The following TJP1 variants were observed in gnomAD, a reference collection of about 807,000 sequenced individuals.
TJP1 encodes the protein tight junction protein ZO-1.
Under a neutral mutation model 194.2 loss-of-function variants are expected in TJP1, and 43 were observed. The observed-to-expected ratio is 0.22, with a 90% CI of 0.17 to 0.29. The LOEUF (loss-of-function observed/expected upper bound fraction) is 0.29, where lower values mean the gene tolerates loss of function less well. Among genes scored for constraint, TJP1 ranks in the 10% least tolerant of loss-of-function variants. TJP1 has a pLI of 1.00. For missense variants in TJP1, 1,971 were observed against 2,185.7 expected, an observed-to-expected ratio of 0.90 and a Z score of 1.96; for synonymous variants, 801 against 779.0, an observed-to-expected ratio of 1.03 and a Z score of -0.47.
At chr15:29,813,933 C>T (rs1013877602) in intron 1 of TJP1, among the ~76,000 whole-genome samples, 10 of 152,204 alleles carry the variant, frequency 6.6e-5, no homozygotes, top group Non-Finnish European at 1.2e-4. Flanking sequence ...ACATATTTCA[C>T]AGCTTCTTGA....
chr15:29,939,964 G>A (rs936010547), intron 2 of TJP1, among the ~76,000 whole-genome samples: 2 of 152,030 alleles, frequency 1.3e-5, no homozygotes, highest in Admixed American at 1.3e-4. Flanking sequence ...TGTTATAGCA[G>A]GCAAAAAGCA....
chr15:29,809,898 A>G (rs1040077611), intron 1 of TJP1, among the ~76,000 whole-genome samples: 2 of 152,154 alleles, frequency 1.3e-5, no homozygotes, highest in African/African-American at 4.8e-5. Flanking sequence ...TTATTTTAAA[A>G]GTGTGCTAAT....
At chr15:29,774,660 GT>G (rs1046839644) in intron 2 of TJP1, among the ~76,000 whole-genome samples, 2 of 151,906 alleles carry the variant, frequency 1.3e-5, no homozygotes, top group Non-Finnish European at 2.9e-5. Context: ...TAATGAAAAT[GT>G]TTTAAAATGG....
intron 18 of TJP1, among the ~76,000 whole-genome samples, chr15:29,721,787 A>G (rs1161810185): frequency 1.3e-5 from 2 of 152,236 alleles, no homozygotes; most frequent in Non-Finnish European, 2.9e-5. Flanking sequence ...CAGGCTGTGG[A>G]GGTCTCAGAC....
At chr15:29,742,495 C>G (rs2044489127) in intron 9 of TJP1, 147 bp downstream of exon 9, 1 of 826,980 alleles carries the variant, frequency 1.2e-6, no homozygotes, top group Non-Finnish European at 1.7e-6. Flanking sequence ...AACCTGCTAC[C>G]CATAAGGAAA....
chr15:29,798,233 A>G (rs1306312239), intron 2 of TJP1, among the ~76,000 whole-genome samples: 1 of 150,362 alleles, frequency 6.7e-6, no homozygotes, highest in African/African-American at 2.4e-5. Flanking sequence ...TCCCTCCCAA[A>G]GTGCTGGGAT....
At chr15:29,872,085 G>C (rs142432386) in intron 2 of TJP1, among the ~76,000 whole-genome samples, 1 of 152,156 alleles carries the variant, frequency 6.6e-6, no homozygotes, top group Non-Finnish European at 1.5e-5. Flanking sequence ...CGTAGGCAGC[G>C]GGGGACACAA....
At position 29,926,387 on chromosome 15, in the gene TJP1, G is replaced by A. The variant is rs142478759; in HGVS notation, c.306+29845C>T. On this transcript the variant is annotated intron_variant, in intron 2 of 28. Transcript: ENST00000356107. Reference sequence around the variant, plus strand: ...AGCACTTTGGGAGACCGAGGCAGGTGGATCACCTGAGGTCAGGAGTTCAAG... The same window carrying A: ...AGCACTTTGGGAGACCGAGGCAGGTAGATCACCTGAGGTCAGGAGTTCAAG... 6.2e-4 allele frequency among the ~76,000 whole-genome samples: 95 copies of A among 152,206 alleles called. 1 individual carries two copies. In the East Asian group the frequency reaches 0.017, roughly 27 times the overall value.
chr15:29,732,302 A>G (rs535550771), intron 15 of TJP1, 131 bp downstream of exon 15: 12 of 776,762 alleles, frequency 1.5e-5, no homozygotes, highest in Non-Finnish European at 2.1e-5. Flanking sequence ...TCACCAAATT[A>G]AAAGAATGGG....
chr15:29,729,606 TCA>T (rs2043472446), intron 15 of TJP1: 1 of 151,580 alleles, frequency 6.6e-6, no homozygotes, highest in Non-Finnish European at 1.5e-5. Context: ...GATCACGAGG[TCA>T]GGAGATCGAG....
chr15:29,949,731 C>A (rs1223630362), intron 2 of TJP1, among the ~76,000 whole-genome samples: 2 of 123,932 alleles, frequency 1.6e-5, no homozygotes, highest in South Asian at 5.8e-4. Context: ...ACCGCCATCA[C>A]CTCCACCACC....
chr15:29,761,840 A>C, intron 6 of TJP1, 71 bp from the exon 7 acceptor site: 2 of 1,386,388 alleles, frequency 1.4e-6, no homozygotes, highest in Non-Finnish European at 9.5e-7. Flanking sequence ...TTTGTTATAA[A>C]CAGAAATATC....
At chr15:29,885,962 G>C (rs2053101467) in intron 2 of TJP1, among the ~76,000 whole-genome samples, 1 of 152,158 alleles carries the variant, frequency 6.6e-6, no homozygotes, top group Non-Finnish European at 1.5e-5. Flanking sequence ...AGAAGGCTTG[G>C]GACAGGAAAG....
intron 2 of TJP1, among the ~76,000 whole-genome samples, chr15:29,901,298 C>T (rs1460415205): frequency 6.6e-6 from 1 of 152,192 alleles, no homozygotes; most frequent in Non-Finnish European, 1.5e-5. Context: ...TCTGCAACTA[C>T]ATAGTTATTT....
chr15:29,844,332 G>A lies in TJP1; in HGVS notation c.307-43630C>T, dbSNP rs540519099. Among the ~76,000 whole-genome samples the A allele has an allele frequency of 9.8e-5, 15 of 152,302 alleles. No homozygotes were observed. In the South Asian group the frequency reaches 3.1e-3, roughly 32 times the overall value. On this transcript the variant is annotated intron_variant, in intron 2 of 28. Transcript: ENST00000356107. ...GATCTACCCTCCTCAGCCTCCCAAA[G>A]TTCTGGGATTACAGGCATGAGCCAC... is the stretch of plus-strand genomic sequence containing the variant.
chr15:29,968,789 G>A (rs1239482785), exon 1 of TJP1: 2 of 1,208,438 alleles, frequency 1.7e-6, no homozygotes, highest in African/African-American at 1.6e-5. Flanking sequence ...CGCGGGCAGG[G>A]CCCCGCCGCC....
chr15:29,954,568 T>G (rs2055870158), intron 2 of TJP1, among the ~76,000 whole-genome samples: 1 of 152,226 alleles, frequency 6.6e-6, no homozygotes, highest in Non-Finnish European at 1.5e-5. Flanking sequence ...TTTAGTCACC[T>G]TAACTGTTAG....
chr15:29,932,223 C>A (rs954041921), intron 2 of TJP1, among the ~76,000 whole-genome samples: 1 of 152,194 alleles, frequency 6.6e-6, no homozygotes, highest in African/African-American at 2.4e-5. Flanking sequence ...ACGTCTCTGA[C>A]AATACCAGCT....
intron 1 of TJP1, among the ~76,000 whole-genome samples, chr15:29,816,249 G>T (rs1206498281): frequency 6.6e-6 from 1 of 151,998 alleles, no homozygotes; most frequent in Non-Finnish European, 1.5e-5. Flanking sequence ...TGCTGGTCTT[G>T]AAGTCCCGCC....
Sources: gnomAD v4.1 joint callset for allele counts (sites outside exome capture counted in the v4.1 genomes callset) on GRCh38, gnomAD v4.1.1 for gene constraint, MANE v1.5 for transcripts, NCBI Gene and HGNC (gene_info 2026-07-23, HGNC 2026-07-21) for gene names.